The following USP8 variants were observed in gnomAD, a reference collection of about 807,000 sequenced individuals.
The protein encoded by USP8 is ubiquitin carboxyl-terminal hydrolase 8.
Under a neutral mutation model 130.0 loss-of-function variants are expected in USP8, and 27 were observed. The ratio of observed to expected loss-of-function variants is 0.21; its 90% CI spans 0.15 to 0.29. The LOEUF (loss-of-function observed/expected upper bound fraction) is 0.29. Among genes scored for constraint, USP8 ranks in the 10% least tolerant of loss-of-function variants. The pLI is 1.00. For missense variants in USP8, 1,029 were observed against 1,312.2 expected, an observed-to-expected ratio of 0.78 and a Z score of 3.33; for synonymous variants, 392 against 444.1, an observed-to-expected ratio of 0.88 and a Z score of 1.48.
chr15:50,430,417 C>A (rs1315221113), intron 1 of USP8, among the ~76,000 whole-genome samples: 2 of 151,992 alleles, frequency 1.3e-5, no homozygotes, highest in Non-Finnish European at 1.5e-5. Flanking sequence ...TAAGACTCCC[C>A]CAATTAGACA....
At chr15:50,467,740 A>G (rs1480373867) in intron 7 of USP8, among the ~76,000 whole-genome samples, 1 of 151,132 alleles carries the variant, frequency 6.6e-6, no homozygotes, top group African/African-American at 2.4e-5. Context: ...ATTTTTTTGT[A>G]GAGACGGGGT....
rs1242509950 is a variant in USP8, at chr15:50,477,516, A to T, written c.1218+17A>T. The T allele has an allele frequency of 1.3e-5, 21 of 1,595,092 alleles. No individual in the cohort carries two copies. The highest frequency in any genetic ancestry group is 1.8e-5 in the Non-Finnish European group (21 of 1,169,196). On this transcript the variant is annotated intron_variant, in intron 10 of 19. Coordinates refer to ENST00000307179, the MANE Select transcript of USP8 (RefSeq NM_005154.5). ...GTTCCACAGGTATGTTCTTGATTTT[A>T]ACATTATTCTCGCTTTTGTTTTAAT...
At chr15:50,477,988 G>T (rs954910119) in intron 10 of USP8, among the ~76,000 whole-genome samples, 1 of 151,980 alleles carries the variant, frequency 6.6e-6, no homozygotes, top group African/African-American at 2.4e-5. Context: ...CAGCATTACC[G>T]CCACGCCTAT....
chr15:50,446,395 A>AG (rs11417752), intron 3 of USP8, among the ~76,000 whole-genome samples: 77,382 of 152,000 alleles, frequency 0.51, 19,950 homozygotes, highest in East Asian at 0.58. Context: ...GTGTTTAAAT[A>AG]GTTTAAGCTG....
chr15:50,441,331 T>A lies in USP8; in HGVS notation c.105-18T>A, dbSNP rs749747122. 1.9e-6 allele frequency: 3 copies of A among 1,569,736 alleles called. No individual in the cohort carries two copies. The highest frequency in any genetic ancestry group is 2.6e-6 in the Non-Finnish European group (3 of 1,168,110). ...AGATGTCAATTGCTTTAATTATTAT[T>A]TTTTCTCTAATTTTAAGTTATGTGC... On this transcript the variant is annotated intron_variant, in intron 2 of 19. Transcript: ENST00000307179.
chr15:50,488,497 C>T (rs1168039703), intron 12 of USP8, among the ~76,000 whole-genome samples: 1 of 151,650 alleles, frequency 6.6e-6, no homozygotes, highest in African/African-American at 2.4e-5. Context: ...GATCCTCCCA[C>T]CTCGGCTTCC....
intron 3 of USP8, among the ~76,000 whole-genome samples, chr15:50,447,893 G>A (rs1280519333): frequency 1.3e-5 from 2 of 151,690 alleles, no homozygotes; most frequent in African/African-American, 2.4e-5. Context: ...GTGAGCTACC[G>A]TGCCCAGCCT....
In USP8 at chr15:50,481,501, A is replaced by G. The variant is rs905157886; in HGVS notation, c.1239A>G (p.Pro413=). Residue 413 remains proline, a synonymous_variant, in exon 11 of 20, where the codon CCA becomes CCG. Coordinates refer to ENST00000307179, the MANE Select transcript of USP8 (RefSeq NM_005154.5). ...TCTAGATTGATCGTACTAAAAAACC[A>G]GCAGTCAAATTGCCTGAAGAGCATA... ...NVPQIDRTKK[P]AVKLPEEHRI... 2 of 1,588,194 alleles carry G rather than the reference A, an allele frequency of 1.3e-6. No homozygotes were observed. The highest frequency in any genetic ancestry group is 1.7e-4 in the Middle Eastern group (1 of 5,940).
At chr15:50,484,009 A>G (rs1395901810) in intron 11 of USP8, among the ~76,000 whole-genome samples, 1 of 152,098 alleles carries the variant, frequency 6.6e-6, no homozygotes, top group Non-Finnish European at 1.5e-5. Context: ...AATGATCAGC[A>G]TTTTATACTT....
chr15:50,459,765 G>A (rs942191253), intron 5 of USP8, among the ~76,000 whole-genome samples: 1 of 151,886 alleles, frequency 6.6e-6, no homozygotes, highest in African/African-American at 2.4e-5. Flanking sequence ...TCTGCATTCT[G>A]GTCCTATGTC....
intron 8 of USP8, among the ~76,000 whole-genome samples, chr15:50,474,194 G>T (rs1170068430): frequency 6.6e-6 from 1 of 151,894 alleles, no homozygotes; most frequent in African/African-American, 2.4e-5. Flanking sequence ...GTAGAGATGA[G>T]ATTTCACTAT....
chr15:50,446,445 A>C (rs1417885817), intron 3 of USP8, among the ~76,000 whole-genome samples: 1 of 152,198 alleles, frequency 6.6e-6, no homozygotes, highest in Non-Finnish European at 1.5e-5. Flanking sequence ...ATGTGTAAAA[A>C]TGAATAAAAC....
At chr15:50,485,227 C>T (rs1192941247) in intron 12 of USP8, among the ~76,000 whole-genome samples, 3 of 151,986 alleles carry the variant, frequency 2.0e-5, no homozygotes, top group South Asian at 2.1e-4. Context: ...AGGCAGATCA[C>T]GAGGTCAGGA....
rs993539751 is a variant in USP8, at chr15:50,471,786, A to C, written c.840A>C (p.Ala280=). ...CAACTCTCCGGAGTCTGAAAGATGC[A>C]CTTTTCAAGGTTTGCAAGTTTCATT... ...IGTTLRSLKD[A]LFKWESKTVL... Residue 280 remains alanine (A), a synonymous_variant, in exon 8 of 20, where the codon GCA becomes GCC. Coordinates refer to ENST00000307179, the MANE Select transcript of USP8 (RefSeq NM_005154.5). 6.2e-7 allele frequency: 1 copy of C among 1,613,748 alleles called. No homozygotes were observed. The highest frequency in any genetic ancestry group is 8.5e-7 in the Non-Finnish European group (1 of 1,179,936).
chr15:50,484,775 T>C (rs934293956), intron 12 of USP8, among the ~76,000 whole-genome samples: 2 of 152,170 alleles, frequency 1.3e-5, no homozygotes, highest in East Asian at 1.9e-4. Context: ...TAAACAAATA[T>C]GGTATGTACA....
At chr15:50,463,099 A>C (rs1341312702) in intron 6 of USP8, among the ~76,000 whole-genome samples, 1 of 152,096 alleles carries the variant, frequency 6.6e-6, no homozygotes, top group Admixed American at 6.6e-5. Flanking sequence ...AAATACAAAA[A>C]TTAGCTGGGT....
chr15:50,426,896 A>G (rs1053563371), intron 1 of USP8: 1 of 151,898 alleles, frequency 6.6e-6, no homozygotes. Context: ...TCTTGTTTGC[A>G]TTTATATAGC....
At chr15:50,497,338 GGC>G in intron 18 of USP8, 107 bp downstream of exon 18, 3 of 1,365,020 alleles carry the variant, frequency 2.2e-6, no homozygotes, top group Non-Finnish European at 2.9e-6. Flanking sequence ...CATAACAAAG[GGC>G]GATTATCTGG....
At position 50,425,810 on chromosome 15, in the gene USP8, T is replaced by C. The variant is rs994351713; in HGVS notation, c.-66+1296T>C. 4.1e-4 allele frequency among the ~76,000 whole-genome samples: 62 copies of C among 152,180 alleles called. 1 individual carries two copies. Among genetic ancestry groups the C allele is most frequent in the Admixed American group, 4.0e-3 (61 of 15,274 alleles). ...TAATATATTTACTTGGACTTTAATCTTTATGGGCATTTGTTTATTAATGTG... is the reference window on the plus strand; with the variant it reads ...TAATATATTTACTTGGACTTTAATCCTTATGGGCATTTGTTTATTAATGTG... On this transcript the variant is annotated intron_variant, in intron 1 of 19. Coordinates refer to ENST00000307179, the MANE Select transcript of USP8 (RefSeq NM_005154.5).
Sources: allele counts gnomAD v4.1 joint callset (sites outside exome capture counted in the v4.1 genomes callset), GRCh38; gene constraint gnomAD v4.1.1; transcripts MANE v1.5; gene names NCBI Gene and HGNC (gene_info 2026-07-23, HGNC 2026-07-21).